The following MAJIN variants were observed in gnomAD, a reference collection of about 807,000 sequenced individuals.
MAJIN encodes membrane-anchored junction protein.
Under a neutral mutation model 30.2 loss-of-function variants are expected in MAJIN, and 27 were observed. The ratio of observed to expected loss-of-function variants is 0.89; its 90% CI spans 0.66 to 1.23. The LOEUF (loss-of-function observed/expected upper bound fraction) is 1.23. MAJIN is among the 50% of genes most tolerant of loss of function. The pLI is 0.00. For missense variants in MAJIN, 253 were observed against 260.3 expected, an observed-to-expected ratio of 0.97 and a Z score of 0.19; for synonymous variants, 78 against 91.6, an observed-to-expected ratio of 0.85 and a Z score of 0.85.
intron 2 of MAJIN, among the ~76,000 whole-genome samples, chr11:64,959,768 G>C (rs557305631): frequency 9.8e-5 from 15 of 152,312 alleles, no homozygotes; most frequent in African/African-American, 3.6e-4. Context: ...AGTATCTCTT[G>C]AATCTGTTCT....
At chr11:64,970,870 A>C (rs1945889217) in intron 1 of MAJIN, among the ~76,000 whole-genome samples, 1 of 152,150 alleles carries the variant, frequency 6.6e-6, no homozygotes. Context: ...ACTCATTCAA[A>C]TCAAGACATG....
intron 4 of MAJIN, among the ~76,000 whole-genome samples, chr11:64,953,242 G>A (rs1945582326): frequency 6.6e-6 from 1 of 152,130 alleles, no homozygotes; most frequent in Admixed American, 6.6e-5. Flanking sequence ...TGACAGGTAA[G>A]GAAACAGACT....
At chr11:64,958,578 T>C (rs1457988121) in intron 3 of MAJIN, among the ~76,000 whole-genome samples, 1 of 133,912 alleles carries the variant, frequency 7.5e-6, no homozygotes, top group Non-Finnish European at 1.5e-5. Flanking sequence ...CACCACTACA[T>C]GTGAAACCCT....
At chr11:64,957,049 G>A (rs1001269998) in intron 3 of MAJIN, among the ~76,000 whole-genome samples, 2 of 151,588 alleles carry the variant, frequency 1.3e-5, no homozygotes, top group Admixed American at 1.3e-4. Context: ...TTACAGGCGT[G>A]AGCCACCGCG....
intron 8 of MAJIN, among the ~76,000 whole-genome samples, chr11:64,941,007 T>G (rs1385549530): frequency 1.3e-5 from 2 of 151,636 alleles, no homozygotes; most frequent in Non-Finnish European, 2.9e-5. Context: ...CCCGGCTAAT[T>G]TTTTGTATTT....
chr11:64,951,764 C>CAA (rs11329539), intron 4 of MAJIN, among the ~76,000 whole-genome samples: 10 of 95,870 alleles, frequency 1.0e-4, no homozygotes, highest in South Asian at 3.6e-4. Flanking sequence ...AACCTTGTCT[C>CAA]AAAAAAAAAA....
At chr11:64,947,860 T>C in intron 6 of MAJIN, 41 bp from the exon 7 acceptor site, 2 of 802,622 alleles carry the variant, frequency 2.5e-6, no homozygotes, top group Admixed American at 3.2e-5. Flanking sequence ...ATTTAAGACT[T>C]TTTTTTTTTT....
intron 8 of MAJIN, 38 bp downstream of exon 8, chr11:64,947,336 A>G (rs764323891): frequency 1.3e-6 from 2 of 1,552,002 alleles, no homozygotes; most frequent in Non-Finnish European, 1.8e-6. Context: ...AAGCCTAACT[A>G]GGACGCAGGA....
intron 8 of MAJIN, among the ~76,000 whole-genome samples, chr11:64,943,186 G>C (rs905359166): frequency 6.6e-6 from 1 of 152,178 alleles, no homozygotes; most frequent in African/African-American, 2.4e-5. Context: ...AGTGCAGTTC[G>C]AACAGATATA....
At chr11:64,961,620 C>T (rs905294554) in intron 1 of MAJIN, among the ~76,000 whole-genome samples, 12 of 150,842 alleles carry the variant, frequency 8.0e-5, no homozygotes, top group African/African-American at 2.4e-4. Context: ...GGACTACAGG[C>T]GCCCGCCACC....
intron 8 of MAJIN, 66 bp downstream of exon 8, chr11:64,947,308 C>A (rs7482817): frequency 0.046 from 64,750 of 1,399,650 alleles, 1,848 homozygotes; most frequent in Middle Eastern, 0.083. Flanking sequence ...CAGGATCAAC[C>A]AACAGTAATA....
chr11:64,950,773 G>A (rs1945539959), intron 4 of MAJIN, among the ~76,000 whole-genome samples: 1 of 151,978 alleles, frequency 6.6e-6, no homozygotes, highest in Non-Finnish European at 1.5e-5. Context: ...GTAGAGATGT[G>A]GTTTCACCAT....
At chr11:64,962,947 C>T (rs998380114) in intron 1 of MAJIN, among the ~76,000 whole-genome samples, 33 of 151,804 alleles carry the variant, frequency 2.2e-4, no homozygotes, top group African/African-American at 7.3e-4. Flanking sequence ...GCCAATGTGG[C>T]GAAACCCCGC....
At chr11:64,960,960 A>G (rs1945711646) in intron 1 of MAJIN, among the ~76,000 whole-genome samples, 1 of 152,234 alleles carries the variant, frequency 6.6e-6, no homozygotes, top group Non-Finnish European at 1.5e-5. Context: ...AGTTGTGCCA[A>G]CTGCAAAGTC....
intron 4 of MAJIN, chr11:64,954,102 A>G (rs1945595367): frequency 6.4e-6 from 1 of 155,598 alleles, no homozygotes; most frequent in Non-Finnish European, 1.4e-5. Flanking sequence ...CAAATGAGGC[A>G]ATTAAGATCC....
chr11:64,950,056 G>A (rs780266209), intron 5 of MAJIN, among the ~76,000 whole-genome samples, 188 bp from the exon 6 acceptor site: 5 of 152,150 alleles, frequency 3.3e-5, no homozygotes, highest in African/African-American at 4.8e-5. Flanking sequence ...TAGGCTGGGC[G>A]CAGTGGCTCA....
chr11:64,959,761 A>G (rs1945694551), intron 2 of MAJIN, among the ~76,000 whole-genome samples: 1 of 152,202 alleles, frequency 6.6e-6, no homozygotes, highest in African/African-American at 2.4e-5. Context: ...TCTCCCAAGT[A>G]TCTCTTGAAT....
chr11:64,954,727 T>A, intron 4 of MAJIN, 30 bp downstream of exon 4: 1 of 1,609,060 alleles, frequency 6.2e-7, no homozygotes, highest in Non-Finnish European at 8.5e-7. Flanking sequence ...AAGAGTAACT[T>A]TTCCAGAAGT....
chr11:64,962,789 C>T (rs542615124), intron 1 of MAJIN, among the ~76,000 whole-genome samples: 1 of 152,120 alleles, frequency 6.6e-6, no homozygotes, highest in Admixed American at 6.6e-5. Context: ...AACGTTAGCA[C>T]TTACGATAGA....
Sources: gnomAD v4.1 joint callset for allele counts (sites outside exome capture counted in the v4.1 genomes callset) on GRCh38, gnomAD v4.1.1 for gene constraint, MANE v1.5 for transcripts, NCBI Gene and HGNC (gene_info 2026-07-23, HGNC 2026-07-21) for gene names.